Variants in DNAH6 observed in about 807,000 individuals in gnomAD.
DNAH6 encodes the protein dynein axonemal heavy chain 6, also known as axonemal beta dynein heavy chain 6.
Under a neutral mutation model 491.4 loss-of-function variants are expected in DNAH6, and 340 were observed. The ratio of observed to expected loss-of-function variants is 0.69; its 90% CI spans 0.63 to 0.76. The LOEUF (loss-of-function observed/expected upper bound fraction) is 0.76, where lower values mean the gene tolerates loss of function less well. Among genes scored for constraint, DNAH6 ranks in the 30% least tolerant of loss-of-function variants. The pLI is 0.00. For missense variants in DNAH6, 4,443 were observed against 4,972.2 expected (o/e 0.89, Z 3.20); for synonymous variants, 1,603 against 1,686.1 (o/e 0.95, Z 1.21).
chr2:84,747,501 C>T (rs896952894), intron 63 of DNAH6, among the ~76,000 whole-genome samples: 3 of 152,210 alleles, frequency 2.0e-5, no homozygotes, highest in Non-Finnish European at 4.4e-5. Flanking sequence ...GTGTGGGCTC[C>T]CAAGGCCTTA....
At chr2:84,598,192 C>CT (rs1684868860) in intron 18 of DNAH6, among the ~76,000 whole-genome samples, 1 of 86,436 alleles carries the variant, frequency 1.2e-5, no homozygotes, top group African/African-American at 4.1e-5. Context: ...TCTTTCTTTT[C>CT]TTTCTTTCTT....
chr2:84,552,605 C>T (rs1558700878), intron 9 of DNAH6, among the ~76,000 whole-genome samples: 1 of 152,084 alleles, frequency 6.6e-6, no homozygotes, highest in East Asian at 1.9e-4. Context: ...AGTATATCAA[C>T]TATAGTTCTA....
chr2:84,628,376 T>C (rs1558820243), intron 29 of DNAH6, among the ~76,000 whole-genome samples: 1 of 152,164 alleles, frequency 6.6e-6, no homozygotes, highest in African/African-American at 2.4e-5. Context: ...TTTCTCTACC[T>C]GCTTTTTCCG....
chr2:84,768,826 G>T (rs73943397), intron 64 of DNAH6, among the ~76,000 whole-genome samples: 1,730 of 152,240 alleles, frequency 0.011, 35 homozygotes, highest in African/African-American at 0.04. Flanking sequence ...AAATTGACAA[G>T]ATACTTCTAA....
At chr2:84,629,487 T>G (rs1285299477) in intron 29 of DNAH6, among the ~76,000 whole-genome samples, 1 of 152,250 alleles carries the variant, frequency 6.6e-6, no homozygotes, top group Non-Finnish European at 1.5e-5. Context: ...TGGTTACTAA[T>G]GAGGTTGAAT....
chr2:84,640,447 A>G lies in DNAH6; in HGVS notation c.4839A>G (p.Glu1613=). Residue 1613 remains glutamate, a synonymous_variant, in exon 32 of 77, where the codon GAA becomes GAG. Transcript: ENST00000389394. ...ALIAEVILYS[E]GFESSKILAR... ...TATTCTAGGTAATTCTATATTCTGA[A>G]GGATTTGAATCCAGTAAAATATTAG... 2 of 1,507,518 alleles carry G rather than the reference A, an allele frequency of 1.3e-6. No individual in the cohort carries two copies. Among genetic ancestry groups the G allele is most frequent in the East Asian group, 2.5e-5 (1 of 40,696 alleles). The allele number at this position is 1,507,518 out of a possible 1,614,324, so 93.4% of individuals were successfully genotyped here.
chr2:84,509,246 G>C, the DNAH6 span, among the ~76,000 whole-genome samples: 1 of 152,144 alleles, frequency 6.6e-6, no homozygotes, highest in Non-Finnish European at 1.5e-5. Context: ...ATGAATCTGG[G>C]TGCTCCTGTA....
intron 58 of DNAH6, 99 bp from the exon 59 acceptor site, chr2:84,718,105 T>C: frequency 7.0e-6 from 7 of 999,466 alleles, no homozygotes; most frequent in Non-Finnish European, 1.0e-5. Context: ...AGCTGAATAG[T>C]ATTCAGAATA....
At chr2:84,568,367 T>A (rs4470356) in intron 11 of DNAH6, among the ~76,000 whole-genome samples, 1 of 152,064 alleles carries the variant, frequency 6.6e-6, no homozygotes, top group African/African-American at 2.4e-5. Context: ...GATATATATA[T>A]ACCGTGGAAT....
chr2:84,559,369 A>G (rs1271231206), intron 11 of DNAH6, among the ~76,000 whole-genome samples: 1 of 152,194 alleles, frequency 6.6e-6, no homozygotes, highest in Non-Finnish European at 1.5e-5. Flanking sequence ...TTATTTGAAC[A>G]TTGGATGGTG....
intron 35 of DNAH6, among the ~76,000 whole-genome samples, chr2:84,656,353 A>G (rs1690969075): frequency 2.0e-5 from 3 of 152,122 alleles, no homozygotes; most frequent in Admixed American, 2.0e-4. Context: ...TTAGCTTTGT[A>G]AGAAACTGTC....
At chr2:84,621,657 G>A in intron 26 of DNAH6, 106 bp downstream of exon 26, 1 of 609,188 alleles carries the variant, frequency 1.6e-6, no homozygotes, top group Non-Finnish European at 2.8e-6. Context: ...AAATTCTAAT[G>A]CTCTGACATT....
At chr2:84,627,585 T>G (rs1035198549) in intron 29 of DNAH6, among the ~76,000 whole-genome samples, 32 of 152,316 alleles carry the variant, frequency 2.1e-4, no homozygotes, top group African/African-American at 7.0e-4. Flanking sequence ...GCTTATAGGA[T>G]TTTCTCTTGA....
chr2:84,493,567 C>G, the DNAH6 span, among the ~76,000 whole-genome samples: 1 of 152,110 alleles, frequency 6.6e-6, no homozygotes, highest in African/African-American at 2.4e-5. Context: ...CAAAACTCAA[C>G]AAATGCTGAA....
intron 40 of DNAH6, among the ~76,000 whole-genome samples, chr2:84,674,530 A>G (rs1038128474): frequency 3.3e-5 from 5 of 152,176 alleles, no homozygotes; most frequent in Admixed American, 1.3e-4. Flanking sequence ...GGTCACAGGT[A>G]GTAGGTCTCG....
chr2:84,793,173 G>A (rs569717330), intron 68 of DNAH6, among the ~76,000 whole-genome samples: 2 of 152,138 alleles, frequency 1.3e-5, no homozygotes, highest in East Asian at 3.9e-4. Context: ...GCAGTGGCAT[G>A]GATGGTGGAC....
chr2:84,580,797 A>G (rs1682948396), intron 14 of DNAH6, among the ~76,000 whole-genome samples: 1 of 152,180 alleles, frequency 6.6e-6, no homozygotes. Context: ...AGGCCAAAAT[A>G]GGGATCCTAC....
At chr2:84,804,352 T>C (rs1433318143) in intron 70 of DNAH6, among the ~76,000 whole-genome samples, 1 of 152,034 alleles carries the variant, frequency 6.6e-6, no homozygotes, top group African/African-American at 2.4e-5. Flanking sequence ...TAAAGCATGG[T>C]TCATGAGGAT....
At chr2:84,562,853 G>T (rs533287735) in intron 11 of DNAH6, among the ~76,000 whole-genome samples, 1 of 152,252 alleles carries the variant, frequency 6.6e-6, no homozygotes, top group South Asian at 2.1e-4. Context: ...TTGGCAGAAT[G>T]ATGTATTTTC....
Sources: allele counts gnomAD v4.1 joint callset (sites outside exome capture counted in the v4.1 genomes callset), GRCh38; gene constraint gnomAD v4.1.1; transcripts MANE v1.5; gene names NCBI Gene and HGNC (gene_info 2026-07-23, HGNC 2026-07-21).